The following DNAJC6 variants were observed in gnomAD, a reference collection of about 807,000 sequenced individuals.
DNAJC6 encodes auxilin.
A neutral mutation model predicts 110.0 loss-of-function variants in DNAJC6; 34 were observed. That is an observed-to-expected ratio of 0.31 (90% CI 0.24 to 0.41). The LOEUF (loss-of-function observed/expected upper bound fraction) is 0.41. Ranked by LOEUF, DNAJC6 falls within the 10% of genes least tolerant of loss-of-function variation. The probability of loss-of-function intolerance (pLI) is 1.00; values close to 1 mark genes in which losing one functional copy is unlikely to be tolerated. For missense variants in DNAJC6, 1,031 were observed against 1,207.8 expected, an observed-to-expected ratio of 0.85 and a Z score of 2.17; for synonymous variants, 406 against 437.2, an observed-to-expected ratio of 0.93 and a Z score of 0.89.
intron 1 of DNAJC6, among the ~76,000 whole-genome samples, chr1:65,343,644 C>A: frequency 6.6e-6 from 1 of 151,784 alleles, no homozygotes; most frequent in African/African-American, 2.4e-5. Context: ...TCATAATGGC[C>A]CCAAATCACA....
intron 1 of DNAJC6, among the ~76,000 whole-genome samples, chr1:65,316,541 G>A (rs1350700418): frequency 3.3e-5 from 5 of 152,130 alleles, no homozygotes; most frequent in African/African-American, 4.8e-5. Flanking sequence ...TGCCTTTGTA[G>A]TCTTGTCATT....
chr1:65,359,590 C>A (rs1410332492), intron 1 of DNAJC6, among the ~76,000 whole-genome samples: 2 of 152,204 alleles, frequency 1.3e-5, no homozygotes, highest in African/African-American at 2.4e-5. Context: ...TCCCTGAGGA[C>A]CCTTAGTAAG....
intron 1 of DNAJC6, among the ~76,000 whole-genome samples, chr1:65,313,286 C>T (rs913086096): frequency 6.6e-6 from 1 of 151,184 alleles, no homozygotes; most frequent in African/African-American, 2.4e-5. Flanking sequence ...GTCTCAAACT[C>T]CTGGGCTCAA....
Position 65,324,910 on chromosome 1 carries a change from C to T in DNAJC6, c.193+14972C>T, listed in dbSNP as rs1219156319. Among the ~76,000 whole-genome samples, 3 of 152,094 alleles carry T rather than the reference C, an allele frequency of 2.0e-5. No individual in the cohort carries two copies. The East Asian group carries it at 5.8e-4, about 29-fold the overall frequency. On this transcript the variant is annotated intron_variant, in intron 1 of 18. Coordinates refer to ENST00000371069, the MANE Select transcript of DNAJC6 (RefSeq NM_001256864.2). ...TTTCCTGCCCAAAATGTCAATAGTGCCGAGGTAGGGAAACCCTGATATAGG... is the reference window on the plus strand; with the variant it reads ...TTTCCTGCCCAAAATGTCAATAGTGTCGAGGTAGGGAAACCCTGATATAGG...
chr1:65,322,669 A>G (rs1252893711), intron 1 of DNAJC6, among the ~76,000 whole-genome samples: 1 of 152,206 alleles, frequency 6.6e-6, no homozygotes, highest in Non-Finnish European at 1.5e-5. Context: ...TCACATTATG[A>G]TAGATCCTGC....
chr1:65,340,030 C>G (rs925090453), intron 1 of DNAJC6, among the ~76,000 whole-genome samples: 2 of 152,194 alleles, frequency 1.3e-5, no homozygotes, highest in Admixed American at 1.3e-4. Context: ...CATGGGGTCA[C>G]CCAGAGTTCA....
chr1:65,403,492 C>T (rs1156542357), intron 15 of DNAJC6, among the ~76,000 whole-genome samples: 1 of 152,222 alleles, frequency 6.6e-6, no homozygotes, highest in African/African-American at 2.4e-5. Flanking sequence ...ATGTGGTAGG[C>T]ATTCAGGATG....
chr1:65,296,578 C>T lies in DNAJC6; in HGVS notation c.-131+31646C>T, dbSNP rs1018977481. ...CAGTGGCAGTAGTTATTCATTCATT[C>T]GACACATCTTTTTTTTTTTTTTTTT... is the stretch of plus-strand genomic sequence containing the variant. On this transcript the variant is annotated intron_variant, in intron 1 of 19. Coordinates refer to the DNAJC6 transcript ENST00000263441. Among the ~76,000 whole-genome samples, 14 of 145,830 alleles carry T rather than the reference C, an allele frequency of 9.6e-5. No homozygotes were observed. The South Asian group carries it at 1.5e-3, about 16-fold the overall frequency.
rs772363313 is a variant in DNAJC6, at chr1:65,366,067, C to A, written c.414C>A (p.Asp138Glu). 3 of 1,613,844 alleles carry A rather than the reference C, an allele frequency of 1.9e-6. No homozygotes were observed. In the South Asian group the frequency reaches 3.3e-5, roughly 18 times the overall value. ...SRIIVMSFPL[D>E]NVDIGFRNQV... is the part of the protein sequence containing the mutation. Reference sequence around the variant, plus strand: ...TCCTAGTGATGTCCTTTCCTCTGGACAATGTTGACATAGGATTCAGGAATC... The same window carrying A: ...TCCTAGTGATGTCCTTTCCTCTGGAAAATGTTGACATAGGATTCAGGAATC... The change falls in exon 4 of 19, where the codon GAC becomes GAA. Residue 138 changes from aspartate to glutamate, a missense_variant. Coordinates refer to ENST00000371069, the MANE Select transcript of DNAJC6 (RefSeq NM_001256864.2).
At chr1:65,346,097 T>C (rs980647112) in intron 1 of DNAJC6, among the ~76,000 whole-genome samples, 8 of 152,194 alleles carry the variant, frequency 5.3e-5, no homozygotes, top group Non-Finnish European at 1.2e-4. Context: ...TCTGCCTCCC[T>C]GTGTAGTTAG....
chr1:65,411,558 A>G (rs1467492636), intron 18 of DNAJC6, 132 bp downstream of exon 18: 2 of 803,556 alleles, frequency 2.5e-6, no homozygotes, highest in Non-Finnish European at 3.8e-6. Flanking sequence ...AGCTAAAATC[A>G]GATATTTAAA....
rs1646071347 is a variant in DNAJC6, at chr1:65,405,911, T to C, written c.2269T>C (p.Leu757=). 2 of 1,613,374 alleles carry C rather than the reference T, an allele frequency of 1.2e-6. No individual in the cohort carries two copies. Among genetic ancestry groups the C allele is most frequent in the East Asian group, 2.2e-5 (1 of 44,870 alleles). The change falls in exon 16 of 19, where the codon TTG becomes CTG. Residue 757 remains leucine, a synonymous_variant. Transcript: ENST00000371069. ...CAGCAAACCCACCACACCAACTGGA[T>C]TGGGTGGAGGATTCCCGCCTCTCAG... is the stretch of plus-strand genomic sequence containing the variant. ...FASKPTTPTG[L]GGGFPPLSSP...
chr1:65,380,218 C>T (rs1297988264), intron 5 of DNAJC6, among the ~76,000 whole-genome samples: 1 of 152,176 alleles, frequency 6.6e-6, no homozygotes, highest in Admixed American at 6.5e-5. Context: ...AGGAAAGAAC[C>T]ATGCCTTTTT....
intron 1 of DNAJC6, among the ~76,000 whole-genome samples, chr1:65,269,178 G>T (rs1354262537): frequency 6.6e-6 from 1 of 151,994 alleles, no homozygotes; most frequent in Non-Finnish European, 1.5e-5. Context: ...GACCAGCCTG[G>T]CCAACATGGT....
chr1:65,378,395 G>A (rs1034094749), intron 4 of DNAJC6, among the ~76,000 whole-genome samples: 8 of 152,110 alleles, frequency 5.3e-5, no homozygotes, highest in Non-Finnish European at 1.2e-4. Flanking sequence ...GCAGTTACCC[G>A]ATAAAATGAT....
At chr1:65,363,225 G>T (rs1208717975) in intron 1 of DNAJC6, among the ~76,000 whole-genome samples, 2 of 152,146 alleles carry the variant, frequency 1.3e-5, no homozygotes, top group Non-Finnish European at 2.9e-5. Context: ...CTTGAGACGA[G>T]ATTTGAGTGG....
At chr1:65,312,203 C>G (rs1399480274) in intron 1 of DNAJC6, among the ~76,000 whole-genome samples, 1 of 152,076 alleles carries the variant, frequency 6.6e-6, no homozygotes, top group Non-Finnish European at 1.5e-5. Flanking sequence ...TTTCTCCTCC[C>G]CTTATCCATC....
intron 11 of DNAJC6, among the ~76,000 whole-genome samples, chr1:65,390,458 C>T (rs1444057219): frequency 6.6e-6 from 1 of 152,190 alleles, no homozygotes; most frequent in Non-Finnish European, 1.5e-5. Context: ...TCTCTCAAAC[C>T]TGGAGATATT....
chr1:65,342,534 A>G (rs550169364), intron 1 of DNAJC6, among the ~76,000 whole-genome samples: 6 of 152,308 alleles, frequency 3.9e-5, no homozygotes, highest in Admixed American at 1.3e-4. Flanking sequence ...CAGAACTGTG[A>G]GGAATACATT....
Sources: gnomAD v4.1 joint callset for allele counts (sites outside exome capture counted in the v4.1 genomes callset) on GRCh38, gnomAD v4.1.1 for gene constraint, MANE v1.5 for transcripts, NCBI Gene and HGNC (gene_info 2026-07-23, HGNC 2026-07-21) for gene names.